The following MAML3 variants were observed in gnomAD, a reference collection of about 807,000 sequenced individuals.
MAML3 encodes mastermind like transcriptional coactivator 3.
Under a neutral mutation model 101.9 loss-of-function variants are expected in MAML3, and 27 were observed. That is an observed-to-expected ratio of 0.27 (90% confidence interval 0.20 to 0.37). The LOEUF (loss-of-function observed/expected upper bound fraction) is 0.37, where lower values mean the gene tolerates loss of function less well. MAML3 is among the 10% of genes least tolerant of loss of function. The pLI is 1.00. For synonymous variants in MAML3, 501 were observed against 555.9 expected, an observed-to-expected ratio of 0.90 and a Z score of 1.39; for missense variants, 1,316 against 1,444.9, an observed-to-expected ratio of 0.91 and a Z score of 1.45.
chr4:140,018,500 G>A (rs1726682755), intron 1 of MAML3, among the ~76,000 whole-genome samples: 1 of 152,176 alleles, frequency 6.6e-6, no homozygotes, highest in African/African-American at 2.4e-5. Context: ...ATTTGGCCCC[G>A]AGTTACAAAC....
chr4:140,106,287 G>A (rs1296017347), intron 1 of MAML3, among the ~76,000 whole-genome samples: 1 of 152,094 alleles, frequency 6.6e-6, no homozygotes, highest in Non-Finnish European at 1.5e-5. Context: ...AATTAGCCCT[G>A]GTTGTCACAG....
chr4:140,017,469 T>G (rs957158950), intron 1 of MAML3, among the ~76,000 whole-genome samples: 1 of 152,074 alleles, frequency 6.6e-6, no homozygotes, highest in Non-Finnish European at 1.5e-5. Context: ...AAAATAAAAA[T>G]TATATCCACA....
At chr4:140,151,142 C>A (rs1729157449) in intron 1 of MAML3, among the ~76,000 whole-genome samples, 1 of 152,034 alleles carries the variant, frequency 6.6e-6, no homozygotes, top group African/African-American at 2.4e-5. Flanking sequence ...CGCTCCCTCC[C>A]CCACGGCCAC....
At position 139,730,469 on chromosome 4, in the gene MAML3, G is replaced by A. The variant is rs935950874; in HGVS notation, c.2278C>T (p.Arg760Trp). Residue 760 changes from arginine (R) to tryptophan (W), a missense_variant, in exon 3 of 5, where the codon CGG becomes TGG. Arg to Trp is a moderately radical substitution (Grantham distance 101). Coordinates refer to ENST00000509479, the MANE Select transcript of MAML3 (RefSeq NM_018717.5). ...TGCTGCTGCTGCTGCCTTTGCTCCC[G>A]CAGGAACTGTTGCTTCTGCTGCTCT... is the stretch of plus-strand genomic sequence containing the variant. ...LIEQQKQQFLREQRQQQQQQQ... is the reference protein window; with the variant it reads ...LIEQQKQQFLWEQRQQQQQQQ... 16 of 1,552,538 alleles carry A rather than the reference G, an allele frequency of 1.0e-5. No individual in the cohort carries two copies. In the South Asian group the frequency reaches 1.5e-4, roughly 15 times the overall value.
intron 2 of MAML3, among the ~76,000 whole-genome samples, chr4:139,823,054 G>A (rs1431976190): frequency 2.0e-5 from 3 of 152,174 alleles, no homozygotes; most frequent in African/African-American, 7.2e-5. Context: ...CAAATATATT[G>A]GACATTGTGT....
chr4:140,106,003 CTAA>C (rs1198771572), intron 1 of MAML3, among the ~76,000 whole-genome samples: 1 of 151,144 alleles, frequency 6.6e-6, no homozygotes, highest in Non-Finnish European at 1.5e-5. Context: ...GGACTCCTCA[CTAA>C]TAATTCCATC....
At chr4:139,816,929 C>T (rs72948555) in intron 2 of MAML3, among the ~76,000 whole-genome samples, 2,247 of 152,216 alleles carry the variant, frequency 0.015, 60 homozygotes, top group African/African-American at 0.051. Flanking sequence ...TTCCTAAATG[C>T]TAACTTTATA....
intron 1 of MAML3, among the ~76,000 whole-genome samples, chr4:140,082,336 T>G (rs1235143824): frequency 6.6e-6 from 1 of 152,180 alleles, no homozygotes; most frequent in Non-Finnish European, 1.5e-5. Context: ...TTTCCTTTCA[T>G]TTTTCAGGCC....
intron 1 of MAML3, among the ~76,000 whole-genome samples, chr4:139,953,202 T>C (rs1733860866): frequency 6.6e-6 from 1 of 152,106 alleles, no homozygotes; most frequent in African/African-American, 2.4e-5. Flanking sequence ...ATAGTAACAG[T>C]GGGTGCCTTT....
chr4:140,147,916 A>ATGTGTGTGTGTG (rs5862457), intron 1 of MAML3, among the ~76,000 whole-genome samples: 1 of 150,888 alleles, frequency 6.6e-6, no homozygotes, highest in Non-Finnish European at 1.5e-5. Context: ...GAATGAGTGA[A>ATGTGTGTGTGTG]TGTGTGTGTG....
At chr4:139,849,546 T>C (rs1311547007) in intron 2 of MAML3, among the ~76,000 whole-genome samples, 2 of 152,190 alleles carry the variant, frequency 1.3e-5, no homozygotes, top group East Asian at 3.8e-4. Context: ...TATCATGAGT[T>C]TGTTCACAGG....
intron 1 of MAML3, among the ~76,000 whole-genome samples, chr4:139,938,333 G>T (rs546212253): frequency 1.3e-5 from 2 of 152,224 alleles, no homozygotes; most frequent in South Asian, 4.1e-4. Context: ...GACTCCATCC[G>T]TTTACAGAAA....
chr4:139,906,213 G>A (rs1732820305), intron 1 of MAML3, among the ~76,000 whole-genome samples: 1 of 152,168 alleles, frequency 6.6e-6, no homozygotes. Context: ...AGCTTCTTAA[G>A]TAGCTAAGTA....
At chr4:140,133,393 A>G (rs1164808627) in intron 1 of MAML3, among the ~76,000 whole-genome samples, 1 of 152,202 alleles carries the variant, frequency 6.6e-6, no homozygotes, top group African/African-American at 2.4e-5. Context: ...TACATAGTAT[A>G]TAATTACACA....
At chr4:140,149,115 T>C (rs1284540611) in intron 1 of MAML3, among the ~76,000 whole-genome samples, 1 of 152,158 alleles carries the variant, frequency 6.6e-6, no homozygotes, top group Non-Finnish European at 1.5e-5. Flanking sequence ...ATACAGCAAA[T>C]AAACAATGCC....
intron 1 of MAML3, among the ~76,000 whole-genome samples, chr4:139,901,656 A>C (rs1160902853): frequency 6.6e-6 from 1 of 152,232 alleles, no homozygotes; most frequent in African/African-American, 2.4e-5. Flanking sequence ...AAATGAAAAG[A>C]TCAGATCTTA....
chr4:139,981,485 T>A (rs1467297204), intron 1 of MAML3, among the ~76,000 whole-genome samples: 1 of 152,244 alleles, frequency 6.6e-6, no homozygotes, highest in Non-Finnish European at 1.5e-5. Flanking sequence ...TTCCCATATA[T>A]CCTGTACCTA....
chr4:139,979,589 T>G (rs1386806483), intron 1 of MAML3, among the ~76,000 whole-genome samples: 1 of 152,194 alleles, frequency 6.6e-6, no homozygotes, highest in African/African-American at 2.4e-5. Context: ...TAACAGGGCC[T>G]TTAAGAGGCC....
intron 1 of MAML3, among the ~76,000 whole-genome samples, chr4:140,096,794 CGAT>C (rs1728172101): frequency 6.6e-6 from 1 of 152,060 alleles, no homozygotes; most frequent in African/African-American, 2.4e-5. Flanking sequence ...TTTACCCTCA[CGAT>C]GATGAGCAAG....
Sources: gnomAD v4.1 joint callset for allele counts (sites outside exome capture counted in the v4.1 genomes callset) on GRCh38, gnomAD v4.1.1 for gene constraint, MANE v1.5 for transcripts, NCBI Gene and HGNC (gene_info 2026-07-23, HGNC 2026-07-21) for gene names.